RPRD1B: variants seen among roughly 807,000 people sequenced by gnomAD.
RPRD1B encodes regulation of nuclear pre-mRNA domain-containing protein 1B.
A neutral mutation model predicts 41.5 loss-of-function variants in RPRD1B; 11 were observed. That is an observed-to-expected ratio of 0.27 (90% CI 0.17 to 0.44). The LOEUF is 0.44. Among genes scored for constraint, RPRD1B ranks in the 20% least tolerant of loss-of-function variants. The pLI is 1.00. For synonymous variants in RPRD1B, 158 were observed against 155.6 expected, an observed-to-expected ratio of 1.02 and a Z score of -0.12; for missense variants, 248 against 389.9, an observed-to-expected ratio of 0.64 and a Z score of 3.06.
At chr20:38,089,661 C>T in intron 6 of RPRD1B, 65 bp from the exon 7 acceptor site, 2 of 1,373,856 alleles carry the variant, frequency 1.5e-6, no homozygotes, top group Non-Finnish European at 2.0e-6. Flanking sequence ...CTGCCCGGCT[C>T]CAGCAGCACC....
At chr20:38,044,549 A>AT (rs2074102139) in intron 2 of RPRD1B, among the ~76,000 whole-genome samples, 1 of 151,478 alleles carries the variant, frequency 6.6e-6, no homozygotes, top group South Asian at 2.1e-4. Flanking sequence ...AATTTTTTGT[A>AT]TTTTTTAGTA....
Position 38,048,411 on chromosome 20 carries a change from T to C in RPRD1B, c.345T>C (p.Ser115=). The change falls in exon 3 of 7, where the codon AGT becomes AGC. Residue 115 remains serine (S), a synonymous_variant. Coordinates refer to ENST00000373433, the MANE Select transcript of RPRD1B (RefSeq NM_021215.4). ...ERLLNIWQER[S]VYGGEFIQQL... is the part of the protein sequence containing the mutation. ...TGCTGAACATCTGGCAAGAACGAAG[T>C]GTGTATGGCGGCGAGTTCATACAGC... 1.9e-6 allele frequency: 3 copies of C among 1,613,938 alleles called. No homozygotes were observed. Among genetic ancestry groups the C allele is most frequent in the Non-Finnish European group, 2.5e-6 (3 of 1,179,922 alleles).
intron 3 of RPRD1B, among the ~76,000 whole-genome samples, chr20:38,050,243 C>G (rs937897870): frequency 6.6e-6 from 1 of 152,192 alleles, no homozygotes; most frequent in Non-Finnish European, 1.5e-5. Flanking sequence ...GGGTAACTTT[C>G]CTGTGAAACC....
chr20:38,059,645 A>G (rs573223733), intron 5 of RPRD1B, 125 bp downstream of exon 5: 2 of 901,610 alleles, frequency 2.2e-6, no homozygotes, highest in Non-Finnish European at 3.2e-6. Flanking sequence ...TTGCTCTACC[A>G]TCTTGGGATT....
At chr20:38,081,706 ATTATTT>A (rs1382738402) in intron 6 of RPRD1B, among the ~76,000 whole-genome samples, 2 of 152,066 alleles carry the variant, frequency 1.3e-5, no homozygotes, top group East Asian at 3.8e-4. Flanking sequence ...GATGGCTCTT[ATTATTT>A]TGAGGTATGT....
intron 6 of RPRD1B, among the ~76,000 whole-genome samples, chr20:38,081,565 C>G (rs752110086): frequency 6.6e-6 from 1 of 152,138 alleles, no homozygotes; most frequent in Non-Finnish European, 1.5e-5. Context: ...CTTGATTGCT[C>G]TGGCTAGGAC....
intron 6 of RPRD1B, among the ~76,000 whole-genome samples, chr20:38,072,445 T>C (rs2074422117): frequency 6.8e-6 from 1 of 147,024 alleles, no homozygotes; most frequent in Admixed American, 6.6e-5. Flanking sequence ...TTAAAATCAG[T>C]AAGTATGAGT....
rs1417799798 is a variant in RPRD1B at position 38,091,435 on chromosome 20, TGTAGAACCTA to T, written c.*1565_*1574del. The T allele has an allele frequency of 2.0e-6, 2 of 985,320 alleles. No homozygotes were observed. Among genetic ancestry groups the T allele is most frequent in the African/African-American group, 3.5e-5 (2 of 57,240 alleles). 61.0% of individuals were successfully genotyped at this position (985,320 alleles called of 1,614,324 possible). A position where few individuals can be genotyped will look rare whatever the true frequency, so the allele number is the denominator to read the frequency against. On this transcript the variant is annotated 3_prime_UTR_variant, in exon 7 of 7. Coordinates refer to ENST00000373433, the MANE Select transcript of RPRD1B (RefSeq NM_021215.4). ...ATAGCAGATACTCAGTTTAACTCTG[TGTAGAACCTA>T]GTAGTGTTTGAGCTGTTATTCAGAT...
intron 3 of RPRD1B, among the ~76,000 whole-genome samples, chr20:38,056,235 A>G (rs2074239415): frequency 6.6e-6 from 1 of 152,068 alleles, no homozygotes; most frequent in African/African-American, 2.4e-5. Flanking sequence ...TACTAAAAAT[A>G]CAAAAATTAG....
In RPRD1B at chr20:38,048,432, A is replaced by T. The variant is rs771394004; in HGVS notation, c.366A>T (p.Ile122=). 1.2e-6 allele frequency: 2 copies of T among 1,613,984 alleles called. No individual in the cohort carries two copies. The highest frequency in any genetic ancestry group is 1.7e-6 in the Non-Finnish European group (2 of 1,179,850). ...GAAGTGTGTATGGCGGCGAGTTCAT[A>T]CAGCAGCTGAAGCTGTCTATGGAGG... ...QERSVYGGEF[I]QQLKLSMEDS... The change falls in exon 3 of 7, where the codon ATA becomes ATT. Residue 122 remains isoleucine, a synonymous_variant. Transcript: ENST00000373433.
In RPRD1B at chr20:38,038,498, T is replaced by G. The variant is rs199959099; in HGVS notation, c.152-1937T>G. Among the ~76,000 whole-genome samples the G allele has an allele frequency of 4.4e-4, 60 of 136,738 alleles. No individual in the cohort carries two copies. The East Asian group carries it at 0.012, about 27-fold the overall frequency. The allele number at this position is 136,738 out of a possible 152,430, so 89.7% of individuals were successfully genotyped here. ...CTGATTTTTTTTGTTTTGTTTTTTT[T>G]TTTTTTTTTTTTTTTTGAGACAGAG... On this transcript the variant is annotated intron_variant, in intron 1 of 6. Coordinates refer to ENST00000373433, the MANE Select transcript of RPRD1B (RefSeq NM_021215.4).
chr20:38,081,248 T>C (rs1242594855), intron 6 of RPRD1B, among the ~76,000 whole-genome samples: 1 of 152,242 alleles, frequency 6.6e-6, no homozygotes, highest in African/African-American at 2.4e-5. Context: ...CTTTGAGCAG[T>C]GTTTTGTAAT....
At position 38,091,792 on chromosome 20, in the gene RPRD1B, T is replaced by C. The variant is rs991265444; in HGVS notation, c.*1917T>C. On this transcript the variant is annotated 3_prime_UTR_variant, in exon 7 of 7. Coordinates refer to ENST00000373433, the MANE Select transcript of RPRD1B (RefSeq NM_021215.4). ...TGCTCTGATCAACTAGATGAAAATA[T>C]AGCAGAATGGATTTAGCCCACTGCT... The C allele has an allele frequency of 1.2e-4, 114 of 985,732 alleles. No homozygotes were observed. Among genetic ancestry groups the C allele is most frequent in the Admixed American group, 1.8e-4 (3 of 16,274 alleles). 61.1% of individuals were successfully genotyped at this position (985,732 alleles called of 1,614,324 possible). A position where few individuals can be genotyped will look rare whatever the true frequency, so the allele number is the denominator to read the frequency against.
chr20:38,078,133 A>G (rs900110346), intron 6 of RPRD1B, among the ~76,000 whole-genome samples: 1 of 151,336 alleles, frequency 6.6e-6, no homozygotes, highest in Non-Finnish European at 1.5e-5. Context: ...GTGCCACTGC[A>G]CTTCAGCCTG....
At chr20:38,048,267 CTT>C in intron 2 of RPRD1B, 79 bp from the exon 3 acceptor site, 4 of 1,209,916 alleles carry the variant, frequency 3.3e-6, no homozygotes, top group Non-Finnish European at 3.3e-6. Context: ...TTGTTGATTT[CTT>C]TTTTTTTTAA....
chr20:38,088,639 A>C (rs2074584543), intron 6 of RPRD1B, among the ~76,000 whole-genome samples: 1 of 152,246 alleles, frequency 6.6e-6, no homozygotes, highest in South Asian at 2.1e-4. Context: ...ATCTTGGCAG[A>C]TTTATCAAGA....
At position 38,033,932 on chromosome 20, in the gene RPRD1B, C is replaced by T. The variant is rs767940864; in HGVS notation, c.-16C>T. On this transcript the variant is annotated 5_prime_UTR_variant, in exon 1 of 7. Coordinates refer to ENST00000373433, the MANE Select transcript of RPRD1B (RefSeq NM_021215.4). ...GCGGCCCAGGCCGCTCCCTGCCGGG[C>T]CTCACTGCCGCCACCATGTCCTCCT... 9 of 1,600,454 alleles carry T rather than the reference C, an allele frequency of 5.6e-6. No individual in the cohort carries two copies. The highest frequency in any genetic ancestry group is 1.3e-5 in the African/African-American group (1 of 74,672).
chr20:38,090,066 T>G lies in RPRD1B; in HGVS notation c.*191T>G. On this transcript the variant is annotated 3_prime_UTR_variant, in exon 7 of 7. Coordinates refer to ENST00000373433, the MANE Select transcript of RPRD1B (RefSeq NM_021215.4). Reference sequence around the variant, plus strand: ...GAGCACAGTTCAGAACAGTGGCGACTGGAATCTGGTTTATATTCATATTTG... The same window carrying G: ...GAGCACAGTTCAGAACAGTGGCGACGGGAATCTGGTTTATATTCATATTTG... 1 of 1,323,892 alleles carries G rather than the reference T, an allele frequency of 7.6e-7. No homozygotes were observed. Among genetic ancestry groups the G allele is most frequent in the South Asian group, 2.4e-5 (1 of 40,900 alleles). The allele number at this position is 1,323,892 out of a possible 1,614,324, so 82.0% of individuals were successfully genotyped here. A position where few individuals can be genotyped will look rare whatever the true frequency, so the allele number is the denominator to read the frequency against.
chr20:38,050,969 A>G (rs756247051), intron 3 of RPRD1B, among the ~76,000 whole-genome samples: 45 of 152,306 alleles, frequency 3.0e-4, no homozygotes, highest in Middle Eastern at 3.4e-3. Context: ...CGAGAAGTTT[A>G]TTTCCAAATT....
Sources: allele counts gnomAD v4.1 joint callset (sites outside exome capture counted in the v4.1 genomes callset), GRCh38; gene constraint gnomAD v4.1.1; transcripts MANE v1.5; gene names NCBI Gene and HGNC (gene_info 2026-07-23, HGNC 2026-07-21).